The following CORO2B variants were observed in gnomAD, a reference collection of about 807,000 sequenced individuals.
CORO2B encodes the protein coronin-2B.
A neutral mutation model predicts 58.8 loss-of-function variants in CORO2B; 26 were observed. The observed-to-expected ratio is 0.44, with a 90% CI of 0.32 to 0.61. CORO2B has a LOEUF of 0.61. CORO2B is among the 20% of genes least tolerant of loss of function. The pLI is 0.04. For synonymous variants in CORO2B, 242 were observed against 253.8 expected, an observed-to-expected ratio of 0.95 and a Z score of 0.44; for missense variants, 460 against 645.1, an observed-to-expected ratio of 0.71 and a Z score of 3.11.
At chr15:68,711,888 C>A (rs1026337835) in intron 5 of CORO2B, among the ~76,000 whole-genome samples, 182 bp downstream of exon 5, 13 of 152,136 alleles carry the variant, frequency 8.5e-5, no homozygotes, top group African/African-American at 3.1e-4. Flanking sequence ...CTGCCTTGTT[C>A]TGGGTGGGGA....
chr15:68,601,420 A>T (rs75690907), intron 1 of CORO2B, among the ~76,000 whole-genome samples: 1,646 of 152,320 alleles, frequency 0.011, 38 homozygotes, highest in African/African-American at 0.037. Flanking sequence ...GGCACCGAGG[A>T]TAAAACGGTA....
Position 68,726,067 on chromosome 15 carries a change from A to C in CORO2B, c.*93A>C. On this transcript the variant is annotated 3_prime_UTR_variant, in exon 12 of 12. Transcript: ENST00000261861. ...TACCAGTGACCCCAGAGACAGAGCC[A>C]GGACAGGAGTGGGGGCCAGCCTGAG... 9 of 1,538,886 alleles carry C rather than the reference A, an allele frequency of 5.8e-6. No homozygotes were observed. Among genetic ancestry groups the C allele is most frequent in the African/African-American group, 1.4e-5 (1 of 72,686 alleles).
chr15:68,647,699 A>AAAAAAAAG (rs1555413714), intron 2 of CORO2B, among the ~76,000 whole-genome samples: 3 of 148,806 alleles, frequency 2.0e-5, no homozygotes, highest in East Asian at 2.0e-4. Context: ...CAAAAAAAAA[A>AAAAAAAAG]AAAGAAAGAA....
chr15:68,550,446 G>A, the CORO2B span, among the ~76,000 whole-genome samples: 1 of 152,096 alleles, frequency 6.6e-6, no homozygotes, highest in Admixed American at 6.6e-5. Flanking sequence ...GCCACACCCC[G>A]ACCAATTTAG....
chr15:68,552,875 C>A, the CORO2B span, among the ~76,000 whole-genome samples: 1 of 152,230 alleles, frequency 6.6e-6, no homozygotes, highest in African/African-American at 2.4e-5. Flanking sequence ...AGCAGGGAGC[C>A]TGACCAGGAC....
chr15:68,548,562 G>A, the CORO2B span, among the ~76,000 whole-genome samples: 1 of 152,150 alleles, frequency 6.6e-6, no homozygotes, highest in Admixed American at 6.5e-5. Context: ...CTCCCTGTGC[G>A]TACATATGAA....
At chr15:68,531,134 C>T in the CORO2B span, among the ~76,000 whole-genome samples, 1 of 152,158 alleles carries the variant, frequency 6.6e-6, no homozygotes, top group Non-Finnish European at 1.5e-5. Flanking sequence ...ATTTCCCCCA[C>T]CCATCCTTTA....
At chr15:68,555,878 A>G in the CORO2B span, among the ~76,000 whole-genome samples, 1 of 152,094 alleles carries the variant, frequency 6.6e-6, no homozygotes, top group Admixed American at 6.5e-5. Flanking sequence ...CTTCAAGATG[A>G]GCAGGGCCAG....
In CORO2B at chr15:68,695,276, C is replaced by A; in HGVS notation, c.333+20C>A. 6.3e-7 allele frequency: 1 copy of A among 1,591,218 alleles called. No individual in the cohort carries two copies. Among genetic ancestry groups the A allele is most frequent in the Non-Finnish European group, 8.6e-7 (1 of 1,159,900 alleles). ...ACGTCGGTGAGCAGAGGGGTGCTCC[C>A]GGAGGAGGGTGGGCTCAGGCCCCTC... On this transcript the variant is annotated intron_variant, in intron 3 of 11. Coordinates refer to ENST00000261861, the MANE Select transcript of CORO2B (RefSeq NM_006091.5).
chr15:68,518,775 G>T, the CORO2B span, among the ~76,000 whole-genome samples: 1 of 152,140 alleles, frequency 6.6e-6, no homozygotes, highest in Non-Finnish European at 1.5e-5. Flanking sequence ...GTGGGGGGCT[G>T]CTGAAGGAAA....
intron 2 of CORO2B, among the ~76,000 whole-genome samples, chr15:68,685,649 G>A (rs1173806030): frequency 6.6e-6 from 1 of 152,224 alleles, no homozygotes; most frequent in African/African-American, 2.4e-5. Flanking sequence ...GAGCCTCTAG[G>A]GTAGTGGTTC....
At chr15:68,548,006 A>G in the CORO2B span, among the ~76,000 whole-genome samples, 2 of 151,926 alleles carry the variant, frequency 1.3e-5, no homozygotes, top group African/African-American at 4.8e-5. Context: ...CCCTGTCTCT[A>G]CTAAAAATAC....
chr15:68,547,371 T>G, the CORO2B span, among the ~76,000 whole-genome samples: 3 of 152,258 alleles, frequency 2.0e-5, no homozygotes, highest in South Asian at 6.2e-4. Context: ...AGCAAGAAAG[T>G]TTATAGCACT....
intron 1 of CORO2B, among the ~76,000 whole-genome samples, chr15:68,604,983 A>G (rs1423387815): frequency 1.3e-5 from 2 of 152,246 alleles, no homozygotes; most frequent in Non-Finnish European, 2.9e-5. Context: ...GCATGGTGGC[A>G]CACACCTGTA....
chr15:68,616,023 G>A (rs1481268026), intron 1 of CORO2B, among the ~76,000 whole-genome samples: 1 of 152,072 alleles, frequency 6.6e-6, no homozygotes, highest in Admixed American at 6.5e-5. Context: ...TGGTTTACAT[G>A]CAGCGGCTCG....
chr15:68,725,095 A>C (rs973411590), intron 11 of CORO2B, among the ~76,000 whole-genome samples: 1 of 152,214 alleles, frequency 6.6e-6, no homozygotes, highest in African/African-American at 2.4e-5. Context: ...CAAGCCGGGC[A>C]TGGTAGCTTA....
At chr15:68,692,632 C>CTTTTT (rs139335081) in intron 2 of CORO2B, among the ~76,000 whole-genome samples, 4 of 139,256 alleles carry the variant, frequency 2.9e-5, no homozygotes, top group African/African-American at 5.3e-5. Context: ...AAAAACTTTC[C>CTTTTT]TTTTTTTTTT....
At chr15:68,635,598 G>A (rs1595981037) in intron 1 of CORO2B, among the ~76,000 whole-genome samples, 1 of 152,182 alleles carries the variant, frequency 6.6e-6, no homozygotes, top group Admixed American at 6.5e-5. Flanking sequence ...GAAATGAGAG[G>A]CTGGATTTAG....
chr15:68,553,172 C>CTT, the CORO2B span, among the ~76,000 whole-genome samples: 2 of 152,266 alleles, frequency 1.3e-5, no homozygotes, highest in East Asian at 3.9e-4. Context: ...AAGAAAGGCA[C>CTT]CACATCCATG....
Sources: gnomAD v4.1 joint callset for allele counts (sites outside exome capture counted in the v4.1 genomes callset) on GRCh38, gnomAD v4.1.1 for gene constraint, MANE v1.5 for transcripts, NCBI Gene and HGNC (gene_info 2026-07-23, HGNC 2026-07-21) for gene names.